Variants in MTUS2 observed in about 807,000 individuals in gnomAD.
MTUS2 encodes the protein microtubule associated scaffold protein 2, also known as microtubule-associated tumor suppressor candidate 2.
In MTUS2, 40 loss-of-function variants were observed where a neutral mutation model predicts 114.1. The observed-to-expected ratio is 0.35, with a 90% confidence interval of 0.27 to 0.46. The LOEUF (loss-of-function observed/expected upper bound fraction) is 0.46, where lower values mean the gene tolerates loss of function less well. Among genes scored for constraint, MTUS2 ranks in the 20% least tolerant of loss-of-function variants. The pLI is 1.00. For synonymous variants in MTUS2, 688 were observed against 672.0 expected (o/e 1.02, Z -0.37); for missense variants, 1,679 against 1,705.4 (o/e 0.98, Z 0.27).
chr13:28,875,314 T>A (rs1476283121), intron 2 of MTUS2, among the ~76,000 whole-genome samples: 1 of 152,358 alleles, frequency 6.6e-6, no homozygotes, highest in Non-Finnish European at 1.5e-5. Context: ...GCTAGCACAG[T>A]ACTTGGTACA....
chr13:29,243,153 T>C (rs1896790466), intron 5 of MTUS2, among the ~76,000 whole-genome samples: 1 of 152,158 alleles, frequency 6.6e-6, no homozygotes, highest in Admixed American at 6.5e-5. Context: ...GCTAGAAATA[T>C]AAATTGTCAT....
intron 6 of MTUS2, among the ~76,000 whole-genome samples, chr13:29,286,935 G>T (rs1291911091): frequency 6.6e-6 from 1 of 152,118 alleles, no homozygotes; most frequent in Non-Finnish European, 1.5e-5. Context: ...TGATCTGCCC[G>T]CCTTGGCCTC....
intron 2 of MTUS2, among the ~76,000 whole-genome samples, chr13:28,845,656 G>GTT (rs765883173): frequency 1.3e-4 from 20 of 150,272 alleles, no homozygotes; most frequent in African/African-American, 3.7e-4. Flanking sequence ...TCTCTGTTTT[G>GTT]TTTGTTTTTT....
chr13:29,492,555 T>C, intron 11 of MTUS2, 91 bp from the exon 12 acceptor site: 1 of 973,602 alleles, frequency 1.0e-6, no homozygotes, highest in Non-Finnish European at 1.6e-6. Flanking sequence ...TTTATTTACC[T>C]GAAGTCACAG....
intron 4 of MTUS2, among the ~76,000 whole-genome samples, chr13:29,075,124 T>C (rs1889127295): frequency 6.6e-6 from 1 of 152,244 alleles, no homozygotes; most frequent in South Asian, 2.1e-4. Flanking sequence ...CTTTTATGTC[T>C]GGCTTCTTTC....
chr13:29,070,647 A>G (rs368211763), intron 4 of MTUS2, among the ~76,000 whole-genome samples: 7 of 151,778 alleles, frequency 4.6e-5, no homozygotes, highest in African/African-American at 1.7e-4. Flanking sequence ...AGAGAGAGAG[A>G]GGTTTATGTT....
chr13:29,502,652 TCCTTTCGGAG>T, intron 15 of MTUS2, among the ~76,000 whole-genome samples: 1 of 152,370 alleles, frequency 6.6e-6, no homozygotes, highest in African/African-American at 2.4e-5. Flanking sequence ...CGGCTGTCTC[TCCTTTCGGAG>T]CTTCCGGGCA....
At chr13:29,139,765 AC>A (rs1376900695) in intron 5 of MTUS2, among the ~76,000 whole-genome samples, 3 of 152,180 alleles carry the variant, frequency 2.0e-5, no homozygotes, top group Non-Finnish European at 1.5e-5. Context: ...TTTAACACTT[AC>A]CACTCATCCT....
At chr13:29,231,401 A>G (rs185873433) in intron 5 of MTUS2, among the ~76,000 whole-genome samples, 2 of 152,272 alleles carry the variant, frequency 1.3e-5, no homozygotes, top group Admixed American at 1.3e-4. Flanking sequence ...GGTCACACCA[A>G]ATTTCTCATC....
At chr13:29,050,977 G>A (rs1887868165) in intron 4 of MTUS2, among the ~76,000 whole-genome samples, 1 of 152,198 alleles carries the variant, frequency 6.6e-6, no homozygotes, top group Non-Finnish European at 1.5e-5. Context: ...CAGATCACAT[G>A]GGGCCTCCAG....
intron 7 of MTUS2, among the ~76,000 whole-genome samples, chr13:29,338,558 A>C (rs7326840): frequency 0.81 from 123,040 of 151,952 alleles, 50,745 homozygotes; most frequent in East Asian, 0.9. Flanking sequence ...CCATTGCACT[A>C]CAGCCTGGGC....
chr13:29,259,340 T>G (rs1435980094), intron 5 of MTUS2, among the ~76,000 whole-genome samples: 1 of 152,014 alleles, frequency 6.6e-6, no homozygotes, highest in Non-Finnish European at 1.5e-5. Context: ...AGAAAGCAAC[T>G]GAAGAGAGAG....
intron 2 of MTUS2, among the ~76,000 whole-genome samples, chr13:28,955,077 A>G (rs1163553483): frequency 6.6e-6 from 1 of 152,182 alleles, no homozygotes; most frequent in Non-Finnish European, 1.5e-5. Flanking sequence ...TCACTGGGTT[A>G]TGTTTATTGG....
intron 4 of MTUS2, among the ~76,000 whole-genome samples, chr13:29,088,479 T>C (rs892395076): frequency 3.9e-5 from 6 of 152,224 alleles, no homozygotes; most frequent in African/African-American, 1.4e-4. Context: ...GCTCTGTAGA[T>C]GCCTGTTAGG....
chr13:28,897,851 A>G (rs1484513444), intron 2 of MTUS2, among the ~76,000 whole-genome samples: 1 of 144,984 alleles, frequency 6.9e-6, no homozygotes, highest in East Asian at 2.2e-4. Context: ...GAATTGAACA[A>G]TGAGAACATG....
At chr13:29,278,895 T>C (rs1898165259) in intron 5 of MTUS2, among the ~76,000 whole-genome samples, 1 of 152,168 alleles carries the variant, frequency 6.6e-6, no homozygotes, top group Non-Finnish European at 1.5e-5. Flanking sequence ...CTCAATCCTT[T>C]CCTTTCTTCT....
At chr13:28,930,705 A>G (rs1881569930) in intron 2 of MTUS2, among the ~76,000 whole-genome samples, 1 of 152,210 alleles carries the variant, frequency 6.6e-6, no homozygotes, top group Non-Finnish European at 1.5e-5. Flanking sequence ...CCCCTGGTAG[A>G]ATCCCACCTG....
chr13:29,038,033 T>C (rs1887163879), intron 4 of MTUS2, among the ~76,000 whole-genome samples: 1 of 152,222 alleles, frequency 6.6e-6, no homozygotes, highest in Admixed American at 6.5e-5. Flanking sequence ...AAATTCATTC[T>C]CCATCCAGTT....
At chr13:29,099,571 A>T (rs555267267) in intron 4 of MTUS2, among the ~76,000 whole-genome samples, 122 of 151,684 alleles carry the variant, frequency 8.0e-4, no homozygotes, top group Admixed American at 3.0e-3. Flanking sequence ...TAGACGTGGA[A>T]TTTTTTTTTC....
Sources: allele counts gnomAD v4.1 joint callset (sites outside exome capture counted in the v4.1 genomes callset), GRCh38; gene constraint gnomAD v4.1.1; transcripts MANE v1.5; gene names NCBI Gene and HGNC (gene_info 2026-07-23, HGNC 2026-07-21).